The following ITPRID2 variants were observed in gnomAD, a reference collection of about 807,000 sequenced individuals.
The protein encoded by ITPRID2 is protein ITPRID2.
In ITPRID2, 60 loss-of-function variants were observed where a neutral mutation model predicts 124.3. That is an observed-to-expected ratio of 0.48 (90% CI 0.39 to 0.60). The LOEUF (loss-of-function observed/expected upper bound fraction) is 0.60, where lower values mean the gene tolerates loss of function less well. Among genes scored for constraint, ITPRID2 ranks in the 20% least tolerant of loss-of-function variants. The pLI, the probability that ITPRID2 is intolerant of heterozygous loss-of-function variation, is 0.00. For missense variants in ITPRID2, 1,553 were observed against 1,512.2 expected (o/e 1.03, Z -0.45); for synonymous variants, 521 against 542.9 (o/e 0.96, Z 0.56).
chr2:181,896,854 A>T lies in ITPRID2; in HGVS notation c.308-54A>T. 7.2e-7 allele frequency: 1 copy of T among 1,380,386 alleles called. No individual in the cohort carries two copies. Among genetic ancestry groups the T allele is most frequent in the Non-Finnish European group, 1.0e-6 (1 of 974,134 alleles). 85.5% of individuals were successfully genotyped at this position (1,380,386 alleles called of 1,614,324 possible). A position where few individuals can be genotyped will look rare whatever the true frequency, so the allele number is the denominator to read the frequency against. ...AATTTAACTAAAACAGTGATTTTAT[A>T]TGAGGGTGGAGAGGAACAGAACACC... On this transcript the variant is annotated intron_variant, in intron 3 of 17. Transcript: ENST00000431877. The surrounding 1 kb of genome is among the most constrained non-coding windows in gnomAD (Gnocchi z 4.3).
At position 181,919,276 on chromosome 2, in the gene ITPRID2, G is replaced by A. The variant is rs772561837; in HGVS notation, c.2994-20G>A. 3.1e-6 allele frequency: 5 copies of A among 1,612,510 alleles called. No homozygotes were observed. Among genetic ancestry groups the A allele is most frequent in the Non-Finnish European group, 3.4e-6 (4 of 1,179,772 alleles). On this transcript the variant is annotated intron_variant, in intron 13 of 17. Coordinates refer to ENST00000431877, the MANE Select transcript of ITPRID2 (RefSeq NM_001130445.3). This position sits in a 1 kb window ranked among gnomAD's most constrained non-coding sequence, Gnocchi z 4.2. ...CCAAACTGCATTTTTCCAATTTTGT[G>A]CCCTTCACCATACCAATAGGTTTGA...
At position 181,892,251 on chromosome 2, in the gene ITPRID2, C is replaced by T. The variant is rs1691771760; in HGVS notation, c.185C>T (p.Ala62Val). The T allele has an allele frequency of 1.3e-6, 2 of 1,548,662 alleles. No individual in the cohort carries two copies. Among genetic ancestry groups the T allele is most frequent in the African/African-American group, 1.4e-5 (1 of 73,010 alleles). Residue 62 changes from alanine to valine, a missense_variant, in exon 1 of 18, where the codon GCG (alanine) becomes GTG (valine). Physicochemically the swap from Ala to Val is moderately conservative, Grantham distance 64. Transcript: ENST00000431877. This position sits in a 1 kb window ranked among gnomAD's most constrained non-coding sequence, Gnocchi z 5.2. ...GACGAGGAGGAGGACCTCCCCGGCG[C>T]GCAGCTGCCGGCAGCGGGGGGAAGA... is the stretch of plus-strand genomic sequence containing the variant. ...EEDEEEDLPGAQLPAAGGRGN... is the reference protein window; with the variant it reads ...EEDEEEDLPGVQLPAAGGRGN...
chr2:181,909,782 A>G (rs1693455170), intron 8 of ITPRID2, 117 bp from the exon 9 acceptor site: 2 of 616,586 alleles, frequency 3.2e-6, no homozygotes, highest in African/African-American at 1.9e-5. Context: ...TTGAATATAT[A>G]TATAATGTTT....
At chr2:181,901,698 T>C (rs1348172994) in intron 7 of ITPRID2, 68 bp from the exon 8 acceptor site, 10 of 1,086,828 alleles carry the variant, frequency 9.2e-6, no homozygotes, top group Non-Finnish European at 1.2e-6. Flanking sequence ...AACAATAATA[T>C]GCATTTAATA....
intron 8 of ITPRID2, among the ~76,000 whole-genome samples, chr2:181,906,610 C>T (rs1693144269): frequency 6.6e-6 from 1 of 152,022 alleles, no homozygotes; most frequent in Non-Finnish European, 1.5e-5. Context: ...CATGGTGGTG[C>T]ATGTCTGTAG....
Position 181,907,492 on chromosome 2 carries a change from T to G in ITPRID2, c.1414-2407T>G, listed in dbSNP as rs1693239848. Among the ~76,000 whole-genome samples the G allele has an allele frequency of 6.6e-6, 1 of 152,024 alleles. No individual in the cohort carries two copies. The highest frequency in any genetic ancestry group is 1.5e-5 in the Non-Finnish European group (1 of 67,998). ...ATGAAACAGTTTTGTTATGAAAAGTTTCAAACTTACTTGAAGATTAGAGAA... is the reference window on the plus strand; with the variant it reads ...ATGAAACAGTTTTGTTATGAAAAGTGTCAAACTTACTTGAAGATTAGAGAA... On this transcript the variant is annotated intron_variant, in intron 8 of 17. Transcript: ENST00000431877. The surrounding 1 kb of genome is among the most constrained non-coding windows in gnomAD (Gnocchi z 5.1).
intron 10 of ITPRID2, among the ~76,000 whole-genome samples, chr2:181,914,735 C>T (rs561135978): frequency 2.6e-5 from 4 of 152,180 alleles, no homozygotes; most frequent in Admixed American, 6.5e-5. Context: ...GGGAAATAAC[C>T]GTAAGAGAAG....
rs766187529 is a variant in ITPRID2, at chr2:181,902,399, C to T, written c.1346C>T (p.Ala449Val). ...TCCACACCTGAAAAAGAGCCTTGTG[C>T]ACCACTGACAATACCATCCATAAGA... ...HISTPEKEPC[A>V]PLTIPSIRNI... The change falls in exon 8 of 18, where the codon GCA (alanine) becomes GTA (valine). Residue 449 changes from alanine to valine, a missense_variant. Coordinates refer to ENST00000431877, the MANE Select transcript of ITPRID2 (RefSeq NM_001130445.3). This position sits in a 1 kb window ranked among gnomAD's most constrained non-coding sequence, Gnocchi z 4.4. 1.2e-5 allele frequency: 20 copies of T among 1,612,652 alleles called. No homozygotes were observed. In the African/African-American group the frequency reaches 2.3e-4, roughly 18 times the overall value.
intron 16 of ITPRID2, among the ~76,000 whole-genome samples, chr2:181,927,829 T>C (rs1284470751): frequency 2.0e-5 from 3 of 152,238 alleles, no homozygotes; most frequent in Non-Finnish European, 4.4e-5. Flanking sequence ...TAAAAACATT[T>C]AAGAAGTCCT....
At chr2:181,897,903 A>C (rs1027725000) in intron 4 of ITPRID2, among the ~76,000 whole-genome samples, 1 of 152,002 alleles carries the variant, frequency 6.6e-6, no homozygotes, top group African/African-American at 2.4e-5. Flanking sequence ...ATATATTTTC[A>C]AGCTCTATAA....
At position 181,892,409 on chromosome 2, in the gene ITPRID2, C is replaced by A; in HGVS notation, c.211+132C>A. 1 of 1,203,034 alleles carries A rather than the reference C, an allele frequency of 8.3e-7. No individual in the cohort carries two copies. Among genetic ancestry groups the A allele is most frequent in the Non-Finnish European group, 1.2e-6 (1 of 867,742 alleles). 74.5% of individuals were successfully genotyped at this position (1,203,034 alleles called of 1,614,324 possible). On this transcript the variant is annotated intron_variant, in intron 1 of 17. Coordinates refer to ENST00000431877, the MANE Select transcript of ITPRID2 (RefSeq NM_001130445.3). This position sits in a 1 kb window ranked among gnomAD's most constrained non-coding sequence, Gnocchi z 5.2. ...CCGAGGGGAGAGGGGACACTTCCGA[C>A]CTTCAAACGCGCGCGCTGAACGAGG...
intron 7 of ITPRID2, 76 bp from the exon 8 acceptor site, chr2:181,901,690 C>T (rs1278423468): frequency 1.9e-5 from 20 of 1,053,966 alleles, no homozygotes; most frequent in Non-Finnish European, 2.5e-5. Flanking sequence ...GAATTCTAAA[C>T]AATAATATGC....
At position 181,902,472 on chromosome 2, in the gene ITPRID2, TA is replaced by T; in HGVS notation, c.1413+12del. Reference sequence around the variant, plus strand: ...ACTCCTTCGAAATGGAAGAGGTAGGTAAAAAATTACTGAGACTGGTTTCAAG... The same window carrying T: ...ACTCCTTCGAAATGGAAGAGGTAGGTAAAAATTACTGAGACTGGTTTCAAG... On this transcript the variant is annotated splice_region_variant and intron_variant, in intron 8 of 17. Coordinates refer to ENST00000431877, the MANE Select transcript of ITPRID2 (RefSeq NM_001130445.3). The surrounding 1 kb of genome is among the most constrained non-coding windows in gnomAD (Gnocchi z 4.4). The T allele has an allele frequency of 1.3e-6, 2 of 1,507,588 alleles. No individual in the cohort carries two copies. Among genetic ancestry groups the T allele is most frequent in the African/African-American group, 1.4e-5 (1 of 70,906 alleles). 93.4% of individuals were successfully genotyped at this position (1,507,588 alleles called of 1,614,324 possible). A position where few individuals can be genotyped will look rare whatever the true frequency, so the allele number is the denominator to read the frequency against.
In ITPRID2 at chr2:181,916,347, G is replaced by C. The variant is rs767521620; in HGVS notation, c.2707G>C (p.Val903Leu). The C allele has an allele frequency of 9.9e-6, 16 of 1,614,210 alleles. No homozygotes were observed. The highest frequency in any genetic ancestry group is 1.4e-5 in the Non-Finnish European group (16 of 1,180,036). Residue 903 changes from valine to leucine, a missense_variant, in exon 11 of 18, where the codon GTG becomes CTG. By Grantham distance (32) the Val-to-Leu change is conservative. Transcript: ENST00000431877. ...HATYPYRVCS[V>L]NPPSAIEMQL... ...CACCTACCCTTACCGAGTGTGCTCT[G>C]TGAATCCTCCTTCAGCCATAGAAAT...
In ITPRID2 at chr2:181,902,290, G is replaced by A. The variant is rs1425835301; in HGVS notation, c.1237G>A (p.Val413Ile). Residue 413 changes from valine to isoleucine, a missense_variant, in exon 8 of 18, where the codon GTA (valine) becomes ATA (isoleucine). Coordinates refer to ENST00000431877, the MANE Select transcript of ITPRID2 (RefSeq NM_001130445.3). The surrounding 1 kb of genome is among the most constrained non-coding windows in gnomAD (Gnocchi z 4.4). The part of the protein sequence containing the change: ...ESKLGEESGI[V>I]ESKLDSDFNI... The stretch of plus-strand genomic sequence containing the variant: ...TAAACTGGGTGAGGAATCTGGTATT[G>A]TAGAATCCAAATTAGATAGTGATTT... The A allele has an allele frequency of 6.2e-7, 1 of 1,613,748 alleles. No homozygotes were observed. The highest frequency in any genetic ancestry group is 8.5e-7 in the Non-Finnish European group (1 of 1,179,912).
Position 181,896,186 on chromosome 2 carries a change from A to G in ITPRID2, c.307+107A>G. 1 of 1,007,782 alleles carries G rather than the reference A, an allele frequency of 9.9e-7. No homozygotes were observed. The highest frequency in any genetic ancestry group is 1.5e-6 in the Non-Finnish European group (1 of 658,794). The allele number at this position is 1,007,782 out of a possible 1,614,324, so 62.4% of individuals were successfully genotyped here. A position where few individuals can be genotyped will look rare whatever the true frequency, so the allele number is the denominator to read the frequency against. On this transcript the variant is annotated intron_variant, in intron 3 of 17. Transcript: ENST00000431877. This position sits in a 1 kb window ranked among gnomAD's most constrained non-coding sequence, Gnocchi z 4.3. Reference sequence around the variant, plus strand: ...TTATAAAAGTGATATTCATGTTTATAGTATATGCTATTCTGAGCTAGAAGC... The same window carrying G: ...TTATAAAAGTGATATTCATGTTTATGGTATATGCTATTCTGAGCTAGAAGC...
rs138893886 is a variant in ITPRID2 at position 181,901,145 on chromosome 2, C to T, written c.712+241C>T. Among the ~76,000 whole-genome samples the T allele has an allele frequency of 8.5e-5, 13 of 152,226 alleles. No homozygotes were observed. The East Asian group carries it at 2.5e-3, about 29-fold the overall frequency. On this transcript the variant is annotated intron_variant, in intron 7 of 17. Transcript: ENST00000431877. ...CTTAAGTGCTACCATAACTTATTTG[C>T]AGAACCTTATTGTTGTCTACAGATT...
chr2:181,924,151 ACAAAGGGCCTACC>A (rs1282001723), intron 16 of ITPRID2, among the ~76,000 whole-genome samples: 2 of 152,200 alleles, frequency 1.3e-5, no homozygotes, highest in Admixed American at 1.3e-4. Context: ...TTTACTGTCT[ACAAAGGGCCTACC>A]CAGCAAAATA....
At position 181,902,648 on chromosome 2, in the gene ITPRID2, A is replaced by C. The variant is rs1381838850; in HGVS notation, c.1413+182A>C. ...TCTCAGGATAATGTGATGTCGAGGT[A>C]ATGGGACAGTTCAGTAACTCCTCCA... On this transcript the variant is annotated intron_variant, in intron 8 of 17. Transcript: ENST00000431877. This position sits in a 1 kb window ranked among gnomAD's most constrained non-coding sequence, Gnocchi z 4.4. Among the ~76,000 whole-genome samples the C allele has an allele frequency of 6.6e-6, 1 of 152,212 alleles. No homozygotes were observed. Among genetic ancestry groups the C allele is most frequent in the Non-Finnish European group, 1.5e-5 (1 of 68,032 alleles).
Sources: gnomAD v4.1 joint callset for allele counts (sites outside exome capture counted in the v4.1 genomes callset) on GRCh38, gnomAD v4.1.1 for gene constraint, Gnocchi (gnomAD v3.1) non-coding constraint, MANE v1.5 for transcripts, NCBI Gene and HGNC (gene_info 2026-07-23, HGNC 2026-07-21) for gene names.